Variants in SPATA7 observed in about 807,000 individuals in gnomAD.
The protein encoded by SPATA7 is spermatogenesis associated 7, also known as spermatogenesis-associated protein 7.
SPATA7 carries 43 observed loss-of-function variants against 51.8 expected under a neutral mutation model. The observed-to-expected ratio is 0.83, with a 90% CI of 0.65 to 1.07. The LOEUF is 1.07. Ranked by LOEUF, SPATA7 falls within the 50% of genes least tolerant of loss-of-function variation. SPATA7 has a pLI of 0.00. For missense variants in SPATA7, 683 were observed against 701.3 expected (o/e 0.97, Z 0.30); for synonymous variants, 230 against 252.8 (o/e 0.91, Z 0.86).
At chr14:88,445,446 C>A (rs532166317) in intron 3 of SPATA7, among the ~76,000 whole-genome samples, 1 of 152,172 alleles carries the variant, frequency 6.6e-6, no homozygotes, top group Non-Finnish European at 1.5e-5. Flanking sequence ...GACAGTTTGA[C>A]TTCCTCTTTT....
intron 3 of SPATA7, among the ~76,000 whole-genome samples, chr14:88,445,060 G>A (rs2077202228): frequency 6.6e-6 from 1 of 151,810 alleles, no homozygotes; most frequent in African/African-American, 2.4e-5. Context: ...CATTGAATCT[G>A]TAAATTACCT....
intron 3 of SPATA7, among the ~76,000 whole-genome samples, chr14:88,395,166 C>A (rs1252006641): frequency 6.6e-6 from 1 of 151,986 alleles, no homozygotes; most frequent in East Asian, 1.9e-4. Flanking sequence ...CTCTGCTCTT[C>A]CACTAATGTT....
At chr14:88,453,199 G>A (rs571628285) in intron 3 of SPATA7, among the ~76,000 whole-genome samples, 1 of 152,158 alleles carries the variant, frequency 6.6e-6, no homozygotes, top group Non-Finnish European at 1.5e-5. Flanking sequence ...ATTTGTTCAC[G>A]GAGGAAGATA....
At chr14:88,386,185 C>A (rs535969575) in intron 1 of SPATA7, among the ~76,000 whole-genome samples, 1 of 152,128 alleles carries the variant, frequency 6.6e-6, no homozygotes, top group African/African-American at 2.4e-5. Context: ...CAAATCAAAC[C>A]CCTCTGCTCT....
At chr14:88,431,074 A>T in intron 8 of SPATA7, 98 bp from the exon 9 acceptor site, 4 of 1,078,680 alleles carry the variant, frequency 3.7e-6, no homozygotes, top group Non-Finnish European at 5.8e-6. Flanking sequence ...AACATCTAAG[A>T]TAAGGGCTAT....
intron 1 of SPATA7, among the ~76,000 whole-genome samples, chr14:88,389,369 A>G (rs1177796637): frequency 6.6e-6 from 1 of 151,016 alleles, no homozygotes; most frequent in Non-Finnish European, 1.5e-5. Flanking sequence ...ACACCCAGCT[A>G]ATTTTGTATT....
intron 3 of SPATA7, among the ~76,000 whole-genome samples, chr14:88,443,520 T>A (rs941246074): frequency 1.3e-5 from 2 of 152,154 alleles, no homozygotes; most frequent in African/African-American, 4.8e-5. Context: ...TTAGGGTACA[T>A]GTGCACAATG....
chr14:88,446,118 G>C (rs2077210290), intron 3 of SPATA7, among the ~76,000 whole-genome samples: 1 of 152,034 alleles, frequency 6.6e-6, no homozygotes, highest in Admixed American at 6.6e-5. Context: ...TCTGGTCCTG[G>C]ACTCTTTGGT....
At chr14:88,414,659 G>T (rs2076427225) in intron 4 of SPATA7, 1 of 402,588 alleles carries the variant, frequency 2.5e-6, no homozygotes, top group Non-Finnish European at 4.9e-6. Flanking sequence ...AGATCTTTCT[G>T]TCTTCTTGAT....
At chr14:88,470,228 A>G (rs898797709) in exon 5 of SPATA7, 2 of 620,314 alleles carry the variant, frequency 3.2e-6, no homozygotes, top group African/African-American at 3.7e-5. Flanking sequence ...TTGTGAATAC[A>G]ATTTGCATTA....
chr14:88,434,706 A>G (rs892540896), intron 10 of SPATA7, among the ~76,000 whole-genome samples: 18 of 151,766 alleles, frequency 1.2e-4, no homozygotes, highest in Non-Finnish European at 2.2e-4. Context: ...AAAAAAAGAA[A>G]AAGAAAAAAG....
At chr14:88,388,810 A>G (rs763065007) in intron 1 of SPATA7, among the ~76,000 whole-genome samples, 2 of 152,202 alleles carry the variant, frequency 1.3e-5, no homozygotes, top group Non-Finnish European at 2.9e-5. Flanking sequence ...GTACTCAAAG[A>G]AGGACAATTT....
chr14:88,457,634 G>C (rs557576472), downstream of SPATA7, among the ~76,000 whole-genome samples: 1 of 152,152 alleles, frequency 6.6e-6, no homozygotes, highest in Non-Finnish European at 1.5e-5. Context: ...GGGCTGAGAC[G>C]ATGGGGTTTT....
chr14:88,403,511 C>A (rs781377713), intron 4 of SPATA7, among the ~76,000 whole-genome samples: 1 of 152,086 alleles, frequency 6.6e-6, no homozygotes, highest in Non-Finnish European at 1.5e-5. Flanking sequence ...ACATTTATAA[C>A]ATACACAGAC....
intron 3 of SPATA7, among the ~76,000 whole-genome samples, chr14:88,448,172 C>G (rs915056059): frequency 2.0e-5 from 3 of 152,122 alleles, no homozygotes; most frequent in Non-Finnish European, 4.4e-5. Context: ...TTCTTGGAGG[C>G]TTTGCTCGTT....
intron 8 of SPATA7, among the ~76,000 whole-genome samples, chr14:88,430,477 A>T (rs1286167552): frequency 1.3e-5 from 2 of 152,228 alleles, no homozygotes; most frequent in Non-Finnish European, 1.5e-5. Flanking sequence ...AGTTGAGTAT[A>T]CCTGAATAAA....
At chr14:88,433,058 T>C in intron 9 of SPATA7, 77 bp from the exon 10 acceptor site, 1 of 1,052,864 alleles carries the variant, frequency 9.5e-7, no homozygotes, top group Admixed American at 1.8e-5. Context: ...TATTTCTAAT[T>C]AGGTACTAAT....
intron 4 of SPATA7, among the ~76,000 whole-genome samples, chr14:88,398,331 GA>G (rs766140440): frequency 2.8e-4 from 43 of 151,964 alleles, no homozygotes; most frequent in South Asian, 1.5e-3. Context: ...CCTTTGTAGG[GA>G]CAGGGATGAA....
At chr14:88,391,509 C>T (rs2075744454) in intron 2 of SPATA7, 54 bp downstream of exon 2, 1 of 1,417,356 alleles carries the variant, frequency 7.1e-7, no homozygotes. Flanking sequence ...TGAGTGTTTC[C>T]TTTACTGGCA....
Sources: allele counts gnomAD v4.1 joint callset (sites outside exome capture counted in the v4.1 genomes callset), GRCh38; gene constraint gnomAD v4.1.1; transcripts MANE v1.5; gene names NCBI Gene and HGNC (gene_info 2026-07-23, HGNC 2026-07-21).